SLCO3A1: variants seen among roughly 807,000 people sequenced by gnomAD.
The protein encoded by SLCO3A1 is PGE1 transporter.
A neutral mutation model predicts 63.1 loss-of-function variants in SLCO3A1; 27 were observed. The ratio of observed to expected loss-of-function variants is 0.43; its 90% confidence interval spans 0.32 to 0.59. The LOEUF is 0.59. Ranked by LOEUF, SLCO3A1 falls within the 20% of genes least tolerant of loss-of-function variation. SLCO3A1 has a pLI of 0.09. For missense variants in SLCO3A1, 773 were observed against 945.8 expected, an observed-to-expected ratio of 0.82 and a Z score of 2.40; for synonymous variants, 473 against 409.9, an observed-to-expected ratio of 1.15 and a Z score of -1.86.
At chr15:91,896,090 C>G (rs191223284) in intron 1 of SLCO3A1, among the ~76,000 whole-genome samples, 1 of 152,182 alleles carries the variant, frequency 6.6e-6, no homozygotes. Context: ...CTTCCATTTT[C>G]GCAATTACAG....
intron 2 of SLCO3A1, among the ~76,000 whole-genome samples, chr15:92,016,949 C>A (rs1396802758): frequency 6.6e-6 from 1 of 152,134 alleles, no homozygotes; most frequent in African/African-American, 2.4e-5. Flanking sequence ...TAGTGTGGAT[C>A]TCTCTAGAAG....
chr15:92,114,636 C>CT (rs988870347), intron 4 of SLCO3A1, among the ~76,000 whole-genome samples: 1 of 152,146 alleles, frequency 6.6e-6, no homozygotes, highest in South Asian at 2.1e-4. Context: ...TCCTCTTTCC[C>CT]TTTTTTTAAG....
At chr15:91,931,257 G>A (rs1899218540) in intron 2 of SLCO3A1, among the ~76,000 whole-genome samples, 1 of 152,128 alleles carries the variant, frequency 6.6e-6, no homozygotes, top group African/African-American at 2.4e-5. Context: ...CATTATGCAG[G>A]CAAAGAAATA....
intron 2 of SLCO3A1, among the ~76,000 whole-genome samples, chr15:92,028,643 A>C (rs1486026608): frequency 6.6e-6 from 1 of 152,140 alleles, no homozygotes; most frequent in East Asian, 1.9e-4. Context: ...AGACAGCCCA[A>C]ATATAATCGT....
Position 91,921,489 on chromosome 15 carries a change from C to T in SLCO3A1, c.646+5031C>T, listed in dbSNP as rs928749022. Among the ~76,000 whole-genome samples the T allele has an allele frequency of 8.5e-5, 13 of 152,168 alleles. No homozygotes were observed. The East Asian group carries it at 9.7e-4, about 11-fold the overall frequency. On this transcript the variant is annotated intron_variant, in intron 2 of 9. Transcript: ENST00000318445. ...CTCCTGCCTCTTTGCCAAAAGTTTT[C>T]GGTAAGGAGCTGTATTGTAATTTTT...
At chr15:92,027,140 G>A (rs2046584891) in intron 2 of SLCO3A1, among the ~76,000 whole-genome samples, 1 of 151,752 alleles carries the variant, frequency 6.6e-6, no homozygotes, top group Admixed American at 6.6e-5. Context: ...GGTGAGCTTT[G>A]ATAGAAGATC....
intron 2 of SLCO3A1, among the ~76,000 whole-genome samples, chr15:91,926,243 C>T (rs1300753544): frequency 2.0e-5 from 3 of 152,182 alleles, no homozygotes; most frequent in Non-Finnish European, 2.9e-5. Flanking sequence ...TATCCCCTCT[C>T]CACCTTTCTC....
chr15:91,955,246 G>A (rs1900131505), intron 2 of SLCO3A1, among the ~76,000 whole-genome samples: 1 of 152,192 alleles, frequency 6.6e-6, no homozygotes. Flanking sequence ...AGATGTGGTA[G>A]GGTTGGGATT....
intron 3 of SLCO3A1, among the ~76,000 whole-genome samples, chr15:92,102,151 A>G (rs1436178627): frequency 2.0e-5 from 3 of 152,046 alleles, no homozygotes; most frequent in Non-Finnish European, 2.9e-5. Context: ...GAAATACTTC[A>G]GCTCCCTTTT....
intron 3 of SLCO3A1, among the ~76,000 whole-genome samples, chr15:92,103,188 C>G (rs1321045269): frequency 6.6e-6 from 1 of 152,152 alleles, no homozygotes; most frequent in Non-Finnish European, 1.5e-5. Flanking sequence ...TGGTCCAGGC[C>G]TGCAGCCCTG....
chr15:92,108,931 A>G (rs547536541), intron 4 of SLCO3A1, among the ~76,000 whole-genome samples: 1 of 151,894 alleles, frequency 6.6e-6, no homozygotes. Context: ...ACACATTACC[A>G]TGGCAGTCTC....
intron 4 of SLCO3A1, among the ~76,000 whole-genome samples, chr15:92,110,139 G>T (rs2047711444): frequency 6.6e-6 from 1 of 152,108 alleles, no homozygotes; most frequent in Non-Finnish European, 1.5e-5. Flanking sequence ...TCTAGAGAAG[G>T]TTCACCTTTT....
downstream of SLCO3A1, among the ~76,000 whole-genome samples, chr15:92,170,358 G>A (rs921813211): frequency 3.9e-5 from 6 of 152,144 alleles, no homozygotes; most frequent in Non-Finnish European, 8.8e-5. Context: ...CACGTGCCGG[G>A]TTCTGTGAAT....
chr15:92,014,409 T>C (rs890061861), intron 2 of SLCO3A1, among the ~76,000 whole-genome samples: 1 of 152,166 alleles, frequency 6.6e-6, no homozygotes, highest in African/African-American at 2.4e-5. Context: ...GCCCCGTGAT[T>C]AGGGTTTCCT....
chr15:91,935,084 G>T (rs1439215440), intron 2 of SLCO3A1, among the ~76,000 whole-genome samples: 4 of 152,186 alleles, frequency 2.6e-5, no homozygotes, highest in Non-Finnish European at 5.9e-5. Context: ...CTCCTGAGTA[G>T]CTGGGGCTAC....
chr15:92,127,910 G>A (rs1315378055), intron 6 of SLCO3A1, among the ~76,000 whole-genome samples: 2 of 152,168 alleles, frequency 1.3e-5, no homozygotes, highest in Non-Finnish European at 2.9e-5. Context: ...ATCCTCAGTG[G>A]TGCAGGCATA....
At chr15:92,141,431 T>A (rs2048130493) in intron 7 of SLCO3A1, among the ~76,000 whole-genome samples, 1 of 152,324 alleles carries the variant, frequency 6.6e-6, no homozygotes, top group African/African-American at 2.4e-5. Flanking sequence ...ATACACCTGC[T>A]TTTTGGATTG....
chr15:91,961,642 C>A (rs1411436865), intron 2 of SLCO3A1, among the ~76,000 whole-genome samples: 7 of 152,232 alleles, frequency 4.6e-5, no homozygotes, highest in Non-Finnish European at 1.0e-4. Flanking sequence ...TTCATTCAGG[C>A]CCCTGCTTGT....
chr15:91,915,903 G>A, intron 1 of SLCO3A1, 90 bp from the exon 2 acceptor site: 1 of 1,123,428 alleles, frequency 8.9e-7, no homozygotes, highest in Non-Finnish European at 1.3e-6. Flanking sequence ...GTCCCGGGGG[G>A]GATGGGCAGA....
Sources: allele counts gnomAD v4.1 joint callset (sites outside exome capture counted in the v4.1 genomes callset), GRCh38; gene constraint gnomAD v4.1.1; transcripts MANE v1.5; gene names NCBI Gene and HGNC (gene_info 2026-07-23, HGNC 2026-07-21).